Variants in MTSS1 observed in about 807,000 individuals in gnomAD.
MTSS1 encodes the protein MTSS I-BAR domain containing 1, also known as protein MTSS 1.
In MTSS1, 18 loss-of-function variants were observed where a neutral mutation model predicts 79.0. That is an observed-to-expected ratio of 0.23 (90% CI 0.16 to 0.34). MTSS1 has a LOEUF of 0.34. MTSS1 is among the 10% of genes least tolerant of loss of function. The probability of loss-of-function intolerance (pLI) is 1.00; values close to 1 mark genes in which losing one functional copy is unlikely to be tolerated. For missense variants in MTSS1, 815 were observed against 986.2 expected, an observed-to-expected ratio of 0.83 and a Z score of 2.33; for synonymous variants, 341 against 368.6, an observed-to-expected ratio of 0.93 and a Z score of 0.86.
At chr8:124,641,059 CAAA>C (rs1167541338) in intron 3 of MTSS1, among the ~76,000 whole-genome samples, 2 of 131,998 alleles carry the variant, frequency 1.5e-5, no homozygotes. Flanking sequence ...GTACATGTGG[CAAA>C]AAAAAAAAAA....
At position 124,582,984 on chromosome 8, in the gene MTSS1, CAAAA is replaced by C. The variant is rs1424598604; in HGVS notation, c.460+2099_460+2102del. Among the ~76,000 whole-genome samples, 3 of 152,218 alleles carry C rather than the reference CAAAA, an allele frequency of 2.0e-5. No individual in the cohort carries two copies. Among genetic ancestry groups the C allele is most frequent in the Admixed American group, 6.5e-5 (1 of 15,290 alleles). ...AAATATACAAATAGAACACCTGGTC[CAAAA>C]CTGCACTTACTGATTTTAGAAAAAA... is the stretch of plus-strand genomic sequence containing the variant. On this transcript the variant is annotated intron_variant, in intron 6 of 13. Transcript: ENST00000518547. This position sits in a 1 kb window ranked among gnomAD's most constrained non-coding sequence, Gnocchi z 4.8.
Position 124,727,894 on chromosome 8 carries a change from C to T in MTSS1, c.62G>A (p.Ser21Asn), listed in dbSNP as rs2135935270. ...CCCCCGGCGTCCTACCTTCATGTCG[C>T]TGATGATGGTCTGGAAGAGGCCTCC... ...ALGGLFQTII[S>N]DMKGSYPVWE... is the part of the protein sequence containing the mutation. Residue 21 changes from serine to asparagine, a missense_variant, in exon 1 of 14, where the codon AGC becomes AAC. Around this residue, in one of 2 missense-constraint regions of MTSS1, gnomAD observed 225 missense variants for 365.4 expected, o/e 0.62. Transcript: ENST00000518547. The surrounding 1 kb of genome is among the most constrained non-coding windows in gnomAD (Gnocchi z 4.7). The T allele has an allele frequency of 6.2e-7, 1 of 1,603,822 alleles. No homozygotes were observed. The highest frequency in any genetic ancestry group is 1.1e-5 in the South Asian group (1 of 89,714).
chr8:124,649,250 C>A (rs554534932), intron 3 of MTSS1, among the ~76,000 whole-genome samples: 1 of 152,158 alleles, frequency 6.6e-6, no homozygotes, highest in Non-Finnish European at 1.5e-5. Flanking sequence ...GTGAGAGAGA[C>A]GGTAGTCTGC....
At chr8:124,618,019 A>G (rs934673887) in intron 3 of MTSS1, among the ~76,000 whole-genome samples, 1 of 152,184 alleles carries the variant, frequency 6.6e-6, no homozygotes, top group Non-Finnish European at 1.5e-5. Context: ...TGGGTAAAGT[A>G]TCATGTAAGA....
intron 13 of MTSS1, among the ~76,000 whole-genome samples, chr8:124,555,447 C>A (rs1823429188): frequency 6.6e-6 from 1 of 152,076 alleles, no homozygotes; most frequent in South Asian, 2.1e-4. Flanking sequence ...GGGGTTTCAC[C>A]ATGTTAGCCA....
At chr8:124,557,577 GA>G in intron 11 of MTSS1, 103 bp downstream of exon 11, 1 of 1,196,722 alleles carries the variant, frequency 8.4e-7, no homozygotes, top group South Asian at 1.6e-5. Flanking sequence ...GGCAGAGTGT[GA>G]AAGGAAGGGG....
At chr8:124,637,202 A>G (rs1164171614) in intron 3 of MTSS1, among the ~76,000 whole-genome samples, 2 of 152,230 alleles carry the variant, frequency 1.3e-5, no homozygotes, top group Non-Finnish European at 2.9e-5. Context: ...TTCTAGAGCC[A>G]TCCTACTCCC....
At chr8:124,601,607 C>G (rs1028245611) in intron 3 of MTSS1, among the ~76,000 whole-genome samples, 1 of 152,164 alleles carries the variant, frequency 6.6e-6, no homozygotes, top group Non-Finnish European at 1.5e-5. Context: ...CCCAGAAGTC[C>G]TAAATTGGCA....
intron 3 of MTSS1, among the ~76,000 whole-genome samples, chr8:124,652,910 A>G (rs1820260113): frequency 6.6e-6 from 1 of 152,010 alleles, no homozygotes; most frequent in African/African-American, 2.4e-5. Flanking sequence ...TCATTAACCT[A>G]TCATCAACCC....
intron 3 of MTSS1, among the ~76,000 whole-genome samples, chr8:124,642,167 G>A (rs964222725): frequency 1.3e-5 from 2 of 152,178 alleles, no homozygotes; most frequent in Non-Finnish European, 2.9e-5. Context: ...ACTCTGAAAC[G>A]AGGCAGGTGC....
At chr8:124,569,987 T>C (rs1246070092) in intron 6 of MTSS1, among the ~76,000 whole-genome samples, 4 of 152,208 alleles carry the variant, frequency 2.6e-5, no homozygotes, top group Non-Finnish European at 5.9e-5. Flanking sequence ...TTAAATGCAA[T>C]GAACCATTTG....
At position 124,606,205 on chromosome 8, in the gene MTSS1, T is replaced by C. The variant is rs1834855319; in HGVS notation, c.209-14970A>G. On this transcript the variant is annotated intron_variant, in intron 3 of 13. Coordinates refer to ENST00000518547, the MANE Select transcript of MTSS1 (RefSeq NM_014751.6). ...TTTTTTTTTTGAGATAGAGTTTCAC[T>C]CTTGTGGCCCAGGCTGGAGTACAAT... Among the ~76,000 whole-genome samples, 4 of 141,326 alleles carry C rather than the reference T, an allele frequency of 2.8e-5. No individual in the cohort carries two copies. The South Asian group carries it at 9.5e-4, about 34-fold the overall frequency. The allele number at this position is 141,326 out of a possible 152,430, so 92.7% of individuals were successfully genotyped here. A position where few individuals can be genotyped will look rare whatever the true frequency, so the allele number is the denominator to read the frequency against.
chr8:124,597,329 C>T lies in MTSS1; in HGVS notation c.209-6094G>A, dbSNP rs558404774. ...GAGCCAAAATCCAAGCCTGCTTCTA[C>T]GGATACCAAGGGCTCTCTCTCACTA... On this transcript the variant is annotated intron_variant, in intron 3 of 13. Transcript: ENST00000518547. The surrounding 1 kb of genome is among the most constrained non-coding windows in gnomAD (Gnocchi z 4.6). Among the ~76,000 whole-genome samples, 11 of 152,304 alleles carry T rather than the reference C, an allele frequency of 7.2e-5. No homozygotes were observed. Among genetic ancestry groups the T allele is most frequent in the South Asian group, 2.1e-4 (1 of 4,832 alleles).
intron 1 of MTSS1, among the ~76,000 whole-genome samples, chr8:124,708,385 C>CT (rs1469976043): frequency 6.6e-6 from 1 of 152,194 alleles, no homozygotes; most frequent in Non-Finnish European, 1.5e-5. Context: ...GGGGGACAGA[C>CT]TGTAAAGTCT....
chr8:124,666,452 CAGGAACAAAGACAA>C (rs1563961367), intron 3 of MTSS1, among the ~76,000 whole-genome samples: 1 of 152,128 alleles, frequency 6.6e-6, no homozygotes, highest in East Asian at 1.9e-4. Context: ...GATGGAAACA[CAGGAACAAAGACAA>C]AGGAACAAAG....
chr8:124,635,001 T>TC (rs1816732544), intron 3 of MTSS1, among the ~76,000 whole-genome samples: 1 of 152,226 alleles, frequency 6.6e-6, no homozygotes, highest in Admixed American at 6.5e-5. Flanking sequence ...TAATGAACTG[T>TC]CCTCTGATTC....
intron 3 of MTSS1, among the ~76,000 whole-genome samples, chr8:124,643,198 C>T (rs568386481): frequency 6.6e-6 from 1 of 152,146 alleles, no homozygotes; most frequent in Non-Finnish European, 1.5e-5. Flanking sequence ...GGCCCTCACT[C>T]GGCAATCCCA....
intron 1 of MTSS1, among the ~76,000 whole-genome samples, chr8:124,709,452 AC>A (rs1297642235): frequency 6.6e-6 from 1 of 152,130 alleles, no homozygotes; most frequent in African/African-American, 2.4e-5. Context: ...TTCCAGACAG[AC>A]CCAAATCAAA....
chr8:124,725,076 G>C (rs1408156428), intron 1 of MTSS1, among the ~76,000 whole-genome samples: 1 of 152,090 alleles, frequency 6.6e-6, no homozygotes, highest in Admixed American at 6.6e-5. Flanking sequence ...AGAATAAACG[G>C]GAAACAAACC....
Sources: allele counts gnomAD v4.1 joint callset (sites outside exome capture counted in the v4.1 genomes callset), GRCh38; gene constraint gnomAD v4.1.1; regional missense constraint gnomAD v4.1.1; non-coding constraint Gnocchi (gnomAD v3.1); transcripts MANE v1.5; gene names NCBI Gene and HGNC (gene_info 2026-07-23, HGNC 2026-07-21).